KIAA1217: variants seen among roughly 807,000 people sequenced by gnomAD.
KIAA1217 encodes the protein KIAA1217, also known as sickle tail protein homolog.
A neutral mutation model predicts 163.9 loss-of-function variants in KIAA1217; 88 were observed. The ratio of observed to expected loss-of-function variants is 0.54; its 90% CI spans 0.45 to 0.64. KIAA1217 has a LOEUF of 0.64. Among genes scored for constraint, KIAA1217 ranks in the 30% least tolerant of loss-of-function variants. The probability of loss-of-function intolerance (pLI) is 0.00; values close to 1 mark genes in which losing one functional copy is unlikely to be tolerated. For synonymous variants in KIAA1217, 903 were observed against 923.1 expected (o/e 0.98, Z 0.39); for missense variants, 2,372 against 2,475.0 (o/e 0.96, Z 0.88).
chr10:23,858,051 C>G (rs1368159116), intron 1 of KIAA1217, among the ~76,000 whole-genome samples: 2 of 151,494 alleles, frequency 1.3e-5, no homozygotes, highest in South Asian at 4.2e-4. Context: ...GGAGGAAGAA[C>G]AAAGTTGTGC....
At chr10:24,228,966 G>C (rs145694224) in intron 2 of KIAA1217, among the ~76,000 whole-genome samples, 111 of 152,304 alleles carry the variant, frequency 7.3e-4, no homozygotes, top group African/African-American at 2.5e-3. Flanking sequence ...TCAAATTGCA[G>C]AACTCCAGCA....
intron 2 of KIAA1217, among the ~76,000 whole-genome samples, chr10:24,256,098 G>C (rs1424244286): frequency 6.7e-6 from 1 of 148,420 alleles, no homozygotes; most frequent in Non-Finnish European, 1.5e-5. Context: ...TCTCCCTCTG[G>C]TTCTGCCTCA....
Position 24,438,457 on chromosome 10 carries a change from A to C in KIAA1217, c.824A>C (p.Lys275Thr). ...GCACATGCGTTTAATCACACACCAA[A>C]AACTATGAATGGAGACATGAGGGTA... ...DPAHAFNHTP[K>T]TMNGDMRMQR... Residue 275 changes from lysine to threonine, a missense_variant, in exon 5 of 21, where the codon AAA (lysine) becomes ACA (threonine). Physicochemically the swap from Lys to Thr is moderately conservative, Grantham distance 78. This residue lies in a region of KIAA1217 where 1,431 missense variants were observed against 1,470.3 expected (regional missense o/e 0.97). Coordinates refer to ENST00000376454, the MANE Select transcript of KIAA1217 (RefSeq NM_019590.5). 6.2e-7 allele frequency: 1 copy of C among 1,611,498 alleles called. No homozygotes were observed. Among genetic ancestry groups the C allele is most frequent in the South Asian group, 1.1e-5 (1 of 91,018 alleles).
intron 1 of KIAA1217, among the ~76,000 whole-genome samples, chr10:23,718,635 TA>T (rs776088813): frequency 0.024 from 3,393 of 141,828 alleles, 120 homozygotes; most frequent in African/African-American, 0.075. Flanking sequence ...AAGGAAAAAC[TA>T]AAAAAAAAAA....
In KIAA1217 at chr10:23,696,560, A is replaced by G. The variant is rs1373088960; in HGVS notation, c.-321+1326A>G. 9.8e-5 allele frequency among the ~76,000 whole-genome samples: 15 copies of G among 152,320 alleles called. 1 individual carries two copies. The East Asian group carries it at 2.9e-3, about 29-fold the overall frequency. ...CCCTCCCATACACTTTATGGGGCCCAACTATGTATGTGCCAGACATTGTGC... is the reference window on the plus strand; with the variant it reads ...CCCTCCCATACACTTTATGGGGCCCGACTATGTATGTGCCAGACATTGTGC... On this transcript the variant is annotated intron_variant, in intron 1 of 18. Transcript: ENST00000376462.
Position 24,474,034 on chromosome 10 carries a change from G to T in KIAA1217, c.1653G>T (p.Ala551=). 6.2e-7 allele frequency: 1 copy of T among 1,609,228 alleles called. No homozygotes were observed. The highest frequency in any genetic ancestry group is 8.5e-7 in the Non-Finnish European group (1 of 1,177,226). ...MEKQVFAYST[A]TIPKDRETRE... ...AGCAAGTTTTTGCCTACAGCACGGC[G>T]ACAATACCCAAAGACAGAGAGACCA... The change falls in exon 6 of 21, where the codon GCG becomes GCT. Residue 551 remains alanine (A), a synonymous_variant. Coordinates refer to ENST00000376454, the MANE Select transcript of KIAA1217 (RefSeq NM_019590.5).
intron 2 of KIAA1217, among the ~76,000 whole-genome samples, chr10:24,279,994 T>A (rs2077728822): frequency 6.6e-6 from 1 of 152,184 alleles, no homozygotes; most frequent in African/African-American, 2.4e-5. Flanking sequence ...AAGAAATAAC[T>A]CTCTGAAATA....
chr10:24,461,579 C>T (rs1592133445), intron 5 of KIAA1217, among the ~76,000 whole-genome samples: 2 of 152,248 alleles, frequency 1.3e-5, no homozygotes, highest in Admixed American at 6.5e-5. Context: ...TGGTCTCAAA[C>T]TCCTGGCCTC....
chr10:24,430,892 G>C (rs1329856171), intron 3 of KIAA1217, among the ~76,000 whole-genome samples: 5 of 152,190 alleles, frequency 3.3e-5, no homozygotes, highest in Non-Finnish European at 4.4e-5. Flanking sequence ...CCAAGGACTG[G>C]TACTGGTTTG....
chr10:24,501,729 CTTTTT>C (rs71397953), intron 9 of KIAA1217, among the ~76,000 whole-genome samples, 184 bp downstream of exon 9: 1 of 51,472 alleles, frequency 1.9e-5, no homozygotes, highest in Non-Finnish European at 3.5e-5. Flanking sequence ...ATAACCACTT[CTTTTT>C]TTTTTTTTTT....
At position 23,755,337 on chromosome 10, in the gene KIAA1217, G is replaced by GC. The variant is rs150273209; in HGVS notation, c.-321+60105dup. ...GACAGTTCTTCACCATAGATCTTTGGCCATATCCAGGGAATTAAGAGATCT... is the reference window on the plus strand; with the variant it reads ...GACAGTTCTTCACCATAGATCTTTGGCCCATATCCAGGGAATTAAGAGATCT... On this transcript the variant is annotated intron_variant, in intron 1 of 18. Transcript: ENST00000376462. Among the ~76,000 whole-genome samples the GC allele has an allele frequency of 4.9e-3, 744 of 152,274 alleles. 5 individuals carry two copies. Among genetic ancestry groups the GC allele is most frequent in the Middle Eastern group, 0.02 (6 of 294 alleles).
intron 3 of KIAA1217, among the ~76,000 whole-genome samples, chr10:24,406,185 A>G (rs1195448731): frequency 6.6e-6 from 1 of 152,222 alleles, no homozygotes; most frequent in Non-Finnish European, 1.5e-5. Context: ...AACAATTCAC[A>G]TTCAGATTTG....
chr10:24,170,524 AACACCCC>A lies in KIAA1217; in HGVS notation c.-170-49099_-170-49093del, dbSNP rs375181859. Reference sequence around the variant, plus strand: ...ACTGTCTGAGGGGAGGCTCTTTGACAACACCCCACTACGAAGGCCAAGGATGGGTGCA... The same window carrying A: ...ACTGTCTGAGGGGAGGCTCTTTGACAACTACGAAGGCCAAGGATGGGTGCA... On this transcript the variant is annotated intron_variant, in intron 2 of 18. Coordinates refer to the KIAA1217 transcript ENST00000376462. 3.4e-3 allele frequency among the ~76,000 whole-genome samples: 522 copies of A among 152,274 alleles called. 3 individuals carry two copies. The highest frequency in any genetic ancestry group is 0.012 in the African/African-American group (497 of 41,548).
upstream of KIAA1217, among the ~76,000 whole-genome samples, chr10:24,207,824 G>A (rs996098312): frequency 2.0e-5 from 3 of 152,060 alleles, no homozygotes; most frequent in African/African-American, 7.2e-5. Flanking sequence ...TGTCTTAAAT[G>A]GCCAAAATAC....
chr10:24,169,356 C>T (rs111616077), intron 2 of KIAA1217, among the ~76,000 whole-genome samples: 92 of 152,284 alleles, frequency 6.0e-4, no homozygotes, highest in African/African-American at 2.1e-3. Context: ...CTAGTCCCAA[C>T]GGCTTTCTTA....
At chr10:23,834,938 T>TA (rs1477117765) in intron 1 of KIAA1217, among the ~76,000 whole-genome samples, 3 of 152,134 alleles carry the variant, frequency 2.0e-5, no homozygotes, top group African/African-American at 7.2e-5. Context: ...GTTTTGTAAG[T>TA]AGTCACTTGA....
intron 1 of KIAA1217, among the ~76,000 whole-genome samples, chr10:23,728,628 A>G (rs942427530): frequency 5.9e-5 from 9 of 152,060 alleles, no homozygotes; most frequent in Admixed American, 2.6e-4. Flanking sequence ...CACTCCGATG[A>G]TAGTTTCTTT....
At chr10:24,237,111 A>C (rs1209506157) in intron 2 of KIAA1217, among the ~76,000 whole-genome samples, 1 of 152,206 alleles carries the variant, frequency 6.6e-6, no homozygotes. Context: ...GATTAGTATG[A>C]TGCTAAGGTT....
At chr10:24,119,372 G>A (rs2063188084) in intron 2 of KIAA1217, among the ~76,000 whole-genome samples, 1 of 151,032 alleles carries the variant, frequency 6.6e-6, no homozygotes, top group Admixed American at 6.6e-5. Context: ...AATCTAGAGA[G>A]TAAACTTAGC....
Sources: allele counts gnomAD v4.1 joint callset (sites outside exome capture counted in the v4.1 genomes callset), GRCh38; gene constraint gnomAD v4.1.1; regional missense constraint gnomAD v4.1.1; transcripts MANE v1.5; gene names NCBI Gene and HGNC (gene_info 2026-07-23, HGNC 2026-07-21).